Variants in ABTB2 observed in about 807,000 individuals in gnomAD.
ABTB2 encodes ankyrin repeat and BTB/POZ domain-containing protein 2.
Under a neutral mutation model 104.1 loss-of-function variants are expected in ABTB2, and 56 were observed. The observed-to-expected ratio is 0.54, with a 90% CI of 0.43 to 0.67. The LOEUF is 0.67. Among genes scored for constraint, ABTB2 ranks in the 30% least tolerant of loss-of-function variants. The probability of loss-of-function intolerance (pLI) is 0.00; values close to 1 mark genes in which losing one functional copy is unlikely to be tolerated. For synonymous variants in ABTB2, 606 were observed against 608.2 expected, an observed-to-expected ratio of 1.00 and a Z score of 0.05; for missense variants, 1,279 against 1,407.7, an observed-to-expected ratio of 0.91 and a Z score of 1.46.
intron 1 of ABTB2, among the ~76,000 whole-genome samples, chr11:34,323,068 G>A (rs556816999): frequency 2.6e-5 from 4 of 152,092 alleles, no homozygotes; most frequent in Admixed American, 6.5e-5. Context: ...CACCATGCCC[G>A]GCTAATTTTT....
intron 2 of ABTB2, among the ~76,000 whole-genome samples, chr11:34,200,260 G>A (rs575503958): frequency 1.3e-5 from 2 of 152,222 alleles, no homozygotes; most frequent in Non-Finnish European, 2.9e-5. Context: ...CAACAAGGTA[G>A]AAGTCATTAT....
intron 1 of ABTB2, among the ~76,000 whole-genome samples, chr11:34,330,320 G>C (rs1855113594): frequency 6.6e-6 from 1 of 152,178 alleles, no homozygotes; most frequent in Non-Finnish European, 1.5e-5. Context: ...ATTAGGATTT[G>C]GGTCAAGAGG....
intron 5 of ABTB2, among the ~76,000 whole-genome samples, chr11:34,169,083 C>T (rs1050765235): frequency 6.6e-6 from 1 of 152,182 alleles, no homozygotes; most frequent in Admixed American, 6.5e-5. Flanking sequence ...AGGGAACAAA[C>T]AGGATTGAGC....
intron 3 of ABTB2, among the ~76,000 whole-genome samples, chr11:34,182,017 G>A (rs1014281504): frequency 2.0e-5 from 3 of 152,216 alleles, no homozygotes; most frequent in Non-Finnish European, 1.5e-5. Context: ...TCTTGTCTGG[G>A]CTGGGGGTGC....
intron 4 of ABTB2, among the ~76,000 whole-genome samples, chr11:34,172,628 A>G (rs536412897): frequency 6.6e-6 from 1 of 152,110 alleles, no homozygotes; most frequent in East Asian, 1.9e-4. Flanking sequence ...AAATCTGGGC[A>G]CGGTAAAGTG....
chr11:34,285,440 CT>C, intron 1 of ABTB2, among the ~76,000 whole-genome samples: 1 of 152,210 alleles, frequency 6.6e-6, no homozygotes, highest in East Asian at 1.9e-4. Flanking sequence ...CAGGGTGGCC[CT>C]TTTTTCCCCT....
At chr11:34,239,297 C>A (rs1250006648) in intron 1 of ABTB2, among the ~76,000 whole-genome samples, 1 of 152,060 alleles carries the variant, frequency 6.6e-6, no homozygotes. Flanking sequence ...TGCAGTCTAC[C>A]CTGAGGCTGA....
chr11:34,335,946 G>C (rs1855189083), intron 1 of ABTB2: 1 of 639,536 alleles, frequency 1.6e-6, no homozygotes, highest in Non-Finnish European at 2.8e-6. Context: ...TAACTAAAGA[G>C]TAAAATCCTG....
At chr11:34,227,207 T>C (rs1300094196) in intron 1 of ABTB2, among the ~76,000 whole-genome samples, 4 of 148,360 alleles carry the variant, frequency 2.7e-5, no homozygotes, top group African/African-American at 1.0e-4. Flanking sequence ...CCAGGAGGCG[T>C]AGGTTGCAGT....
chr11:34,334,738 T>G (rs1191358258), intron 1 of ABTB2, among the ~76,000 whole-genome samples: 1 of 150,768 alleles, frequency 6.6e-6, no homozygotes, highest in African/African-American at 2.4e-5. Context: ...GTGCCTGTAA[T>G]GTACTCCTTC....
intron 1 of ABTB2, among the ~76,000 whole-genome samples, chr11:34,301,164 C>T (rs552940648): frequency 4.8e-4 from 73 of 152,276 alleles, no homozygotes; most frequent in Non-Finnish European, 7.9e-4. Flanking sequence ...GCCTTGAAGG[C>T]CTCTGACAGC....
chr11:34,338,943 G>T (rs949177971), intron 1 of ABTB2, among the ~76,000 whole-genome samples: 1 of 152,140 alleles, frequency 6.6e-6, no homozygotes, highest in African/African-American at 2.4e-5. Context: ...CCCTTCCATC[G>T]TCTTGAAATC....
At chr11:34,302,760 T>C (rs999688245) in intron 1 of ABTB2, among the ~76,000 whole-genome samples, 2 of 152,182 alleles carry the variant, frequency 1.3e-5, no homozygotes, top group African/African-American at 4.8e-5. Context: ...CGAGGGGTAG[T>C]AGGCTTAGGT....
chr11:34,192,999 C>T (rs1439409593), intron 3 of ABTB2, among the ~76,000 whole-genome samples: 1 of 152,218 alleles, frequency 6.6e-6, no homozygotes, highest in Non-Finnish European at 1.5e-5. Flanking sequence ...CCTCTCATTC[C>T]CCAGAAGGGT....
intron 14 of ABTB2, among the ~76,000 whole-genome samples, chr11:34,157,952 T>C (rs979360066): frequency 6.6e-6 from 1 of 152,234 alleles, no homozygotes; most frequent in Non-Finnish European, 1.5e-5. Context: ...CTATGTGACC[T>C]TGAGCAAGTT....
chr11:34,192,589 C>A (rs969327897), intron 3 of ABTB2, among the ~76,000 whole-genome samples: 3 of 152,216 alleles, frequency 2.0e-5, no homozygotes, highest in African/African-American at 7.2e-5. Flanking sequence ...GAGTGTGCCA[C>A]CCTCCACAGA....
intron 1 of ABTB2, among the ~76,000 whole-genome samples, chr11:34,282,100 C>A (rs2611106): frequency 0.011 from 1,652 of 152,238 alleles, 28 homozygotes; most frequent in African/African-American, 0.037. Flanking sequence ...AGATAAGTGT[C>A]CAATGAGGGC....
At chr11:34,348,778 C>T (rs1290936946) in intron 1 of ABTB2, among the ~76,000 whole-genome samples, 1 of 152,216 alleles carries the variant, frequency 6.6e-6, no homozygotes, top group Non-Finnish European at 1.5e-5. Flanking sequence ...GGGGAACCAG[C>T]AATGAAGACT....
intron 1 of ABTB2, among the ~76,000 whole-genome samples, chr11:34,261,887 A>G (rs1854193135): frequency 6.6e-6 from 1 of 152,154 alleles, no homozygotes; most frequent in Admixed American, 6.5e-5. Flanking sequence ...ATTAAATCAG[A>G]CTTGTTGCAA....
Sources: allele counts gnomAD v4.1 joint callset (sites outside exome capture counted in the v4.1 genomes callset), GRCh38; gene constraint gnomAD v4.1.1; transcripts MANE v1.5; gene names NCBI Gene and HGNC (gene_info 2026-07-23, HGNC 2026-07-21).